The following BICC1 variants were observed in gnomAD, a reference collection of about 807,000 sequenced individuals.
BICC1 encodes the protein protein bicaudal C homolog 1.
In BICC1, 43 loss-of-function variants were observed where a neutral mutation model predicts 111.0. That is an observed-to-expected ratio of 0.39 (90% CI 0.30 to 0.50). BICC1 has a LOEUF of 0.50. Among genes scored for constraint, BICC1 ranks in the 20% least tolerant of loss-of-function variants. BICC1 has a pLI of 0.88. For missense variants in BICC1, 1,091 were observed against 1,203.2 expected (o/e 0.91, Z 1.38); for synonymous variants, 467 against 434.4 (o/e 1.07, Z -0.93).
chr10:58,760,639 A>G (rs1456697544), intron 3 of BICC1, among the ~76,000 whole-genome samples: 1 of 152,182 alleles, frequency 6.6e-6, no homozygotes, highest in East Asian at 1.9e-4. Flanking sequence ...TCATACAGAC[A>G]TAAATTGAAC....
At chr10:58,776,120 GT>G (rs1314817039) in intron 3 of BICC1, among the ~76,000 whole-genome samples, 1 of 152,142 alleles carries the variant, frequency 6.6e-6, no homozygotes, top group African/African-American at 2.4e-5. Context: ...CAAGAGACAG[GT>G]TTTCCGGTTT....
rs544684427 is a variant in BICC1 at position 58,633,512 on chromosome 10, C to T, written c.237+12611C>T. Among the ~76,000 whole-genome samples, 7 of 152,312 alleles carry T rather than the reference C, an allele frequency of 4.6e-5. No homozygotes were observed. In the East Asian group the frequency reaches 1.3e-3, roughly 29 times the overall value. On this transcript the variant is annotated intron_variant, in intron 2 of 20. Coordinates refer to ENST00000373886, the MANE Select transcript of BICC1 (RefSeq NM_001080512.3). ...CATTCCTAGCAAGATTAACTTTTAACTATGCTTTGAAACATGAGTTTTCAG... is the reference window on the plus strand; with the variant it reads ...CATTCCTAGCAAGATTAACTTTTAATTATGCTTTGAAACATGAGTTTTCAG...
chr10:58,707,944 A>G (rs1840440820), intron 3 of BICC1, among the ~76,000 whole-genome samples: 2 of 151,368 alleles, frequency 1.3e-5, no homozygotes, highest in Non-Finnish European at 2.9e-5. Context: ...TATTTCAGCC[A>G]CTTCGGCCTC....
intron 3 of BICC1, among the ~76,000 whole-genome samples, chr10:58,725,014 A>G (rs939125046): frequency 5.3e-4 from 81 of 151,578 alleles, no homozygotes; most frequent in African/African-American, 1.9e-3. Flanking sequence ...TGATATACCT[A>G]CCTCCCCATT....
chr10:58,633,371 A>G (rs1219615700), intron 2 of BICC1, among the ~76,000 whole-genome samples: 1 of 152,256 alleles, frequency 6.6e-6, no homozygotes, highest in Non-Finnish European at 1.5e-5. Flanking sequence ...ATTAAAAATG[A>G]TAGCCAGGGT....
Position 58,789,668 on chromosome 10 carries a change from C to G in BICC1, c.796-14C>G. On this transcript the variant is annotated splice_polypyrimidine_tract_variant and intron_variant, in intron 7 of 20. Coordinates refer to ENST00000373886, the MANE Select transcript of BICC1 (RefSeq NM_001080512.3). ...AATGTATAGGATTATTTCTTTCCCACCCTTTTCTCTTAGGAAGGAACTGCC... is the reference window on the plus strand; with the variant it reads ...AATGTATAGGATTATTTCTTTCCCAGCCTTTTCTCTTAGGAAGGAACTGCC... The G allele has an allele frequency of 6.2e-7, 1 of 1,613,786 alleles. No individual in the cohort carries two copies. The highest frequency in any genetic ancestry group is 8.5e-7 in the Non-Finnish European group (1 of 1,179,782).
At chr10:58,828,710 AT>A (rs1844468767) in intron 20 of BICC1, 50 bp from the exon 21 acceptor site, 1 of 1,586,428 alleles carries the variant, frequency 6.3e-7, no homozygotes, top group African/African-American at 1.3e-5. Flanking sequence ...GTCCTGTAGT[AT>A]ACATAGAACT....
intron 3 of BICC1, among the ~76,000 whole-genome samples, chr10:58,728,889 A>G (rs893979753): frequency 3.9e-5 from 6 of 152,146 alleles, no homozygotes; most frequent in African/African-American, 1.4e-4. Flanking sequence ...TATTAAAAAA[A>G]GGAATCTTTT....
chr10:58,732,422 T>C (rs1196209491), intron 3 of BICC1, among the ~76,000 whole-genome samples: 1 of 55,046 alleles, frequency 1.8e-5, no homozygotes, highest in Non-Finnish European at 3.6e-5. Flanking sequence ...TATATATATA[T>C]ATATATATAT....
chr10:58,828,925 T>A lies in BICC1; in HGVS notation c.*34T>A, dbSNP rs1164840906. Reference sequence around the variant, plus strand: ...TCTTGGCACATGCCCGCTGACTAACTGTAAAGTGGACACAGGAGATGTATG... The same window carrying A: ...TCTTGGCACATGCCCGCTGACTAACAGTAAAGTGGACACAGGAGATGTATG... On this transcript the variant is annotated 3_prime_UTR_variant, in exon 21 of 21. Transcript: ENST00000373886. The A allele has an allele frequency of 1.2e-6, 2 of 1,612,114 alleles. No homozygotes were observed. The highest frequency in any genetic ancestry group is 4.5e-5 in the East Asian group (2 of 44,814).
At chr10:58,803,305 T>C (rs932727679) in intron 15 of BICC1, 63 bp downstream of exon 15, 1 of 1,386,122 alleles carries the variant, frequency 7.2e-7, no homozygotes, top group Non-Finnish European at 9.6e-7. Flanking sequence ...GTATGGAGAA[T>C]TCAGTGAGTG....
In BICC1 at chr10:58,796,471, G is replaced by C. The variant is rs202194967; in HGVS notation, c.1311G>C (p.Leu437=). ...CCCCAGCATCCTGCCCTGCCGGCCTGGCATGTCCCAGCCTGGATATCTTAG... is the reference window on the plus strand; with the variant it reads ...CCCCAGCATCCTGCCCTGCCGGCCTCGCATGTCCCAGCCTGGATATCTTAG... ...SPSPASCPAG[L]ACPSLDILAS... Residue 437 remains leucine, a synonymous_variant, in exon 10 of 21, where the codon CTG becomes CTC. Transcript: ENST00000373886. 2.5e-6 allele frequency: 4 copies of C among 1,614,080 alleles called. No individual in the cohort carries two copies. The highest frequency in any genetic ancestry group is 1.1e-5 in the South Asian group (1 of 91,080).
intron 3 of BICC1, among the ~76,000 whole-genome samples, chr10:58,705,278 G>T (rs1840355948): frequency 6.6e-6 from 1 of 152,236 alleles, no homozygotes; most frequent in South Asian, 2.1e-4. Flanking sequence ...AAGACCATGT[G>T]TTCTGAAGGC....
intron 1 of BICC1, among the ~76,000 whole-genome samples, chr10:58,548,368 CTCCACT>C (rs1343787850): frequency 2.0e-5 from 3 of 152,204 alleles, no homozygotes; most frequent in African/African-American, 7.2e-5. Context: ...GTCTTACCTA[CTCCACT>C]TATTTGTAAG....
chr10:58,817,562 C>A lies in BICC1; in HGVS notation c.2534C>A (p.Thr845Lys), dbSNP rs148373453. ...GSPKRKQNKSTEHYLSSSNYM... is the reference protein window; with the variant it reads ...GSPKRKQNKSKEHYLSSSNYM... ...AGCCTGTCTCTCCTTTGCCTTTCAG[C>A]GGAACACTATCTCAGCAGTAGCAAT... Residue 845 changes from threonine to lysine, a missense_variant and splice_region_variant, in exon 19 of 21, where the codon ACG becomes AAG. Coordinates refer to ENST00000373886, the MANE Select transcript of BICC1 (RefSeq NM_001080512.3). The A allele has an allele frequency of 4.6e-5, 74 of 1,613,216 alleles. No individual in the cohort carries two copies. The highest frequency in any genetic ancestry group is 6.0e-5 in the Non-Finnish European group (71 of 1,179,490).
In BICC1 at chr10:58,796,443, C is replaced by T; in HGVS notation, c.1283C>T (p.Pro428Leu). 2 of 1,614,114 alleles carry T rather than the reference C, an allele frequency of 1.2e-6. No individual in the cohort carries two copies. Among genetic ancestry groups the T allele is most frequent in the Non-Finnish European group, 1.7e-6 (2 of 1,180,004 alleles). The change falls in exon 10 of 21, where the codon CCA (proline) becomes CTA (leucine). Residue 428 changes from proline (P) to leucine (L), a missense_variant. Pro to Leu is a moderately conservative substitution (Grantham distance 98). This residue lies in a region of BICC1 where 843 missense variants were observed against 900.8 expected (regional missense o/e 0.94). Transcript: ENST00000373886. ...ESSGVTIATS[P>L]SPASCPAGLA... ...AGTGGGGTTACCATAGCAACCAGTC[C>T]ATCCCCAGCATCCTGCCCTGCCGGC...
At chr10:58,821,232 C>T (rs1844242773) in intron 20 of BICC1, among the ~76,000 whole-genome samples, 1 of 152,040 alleles carries the variant, frequency 6.6e-6, no homozygotes, top group Non-Finnish European at 1.5e-5. Flanking sequence ...GAAGACTTGC[C>T]AATAAAGTTC....
At chr10:58,615,730 C>G (rs568921607) in intron 1 of BICC1, among the ~76,000 whole-genome samples, 1 of 152,142 alleles carries the variant, frequency 6.6e-6, no homozygotes, top group Non-Finnish European at 1.5e-5. Context: ...AGAGAGCCTT[C>G]GGTCCCCACT....
Position 58,792,695 on chromosome 10 carries a change from G to A in BICC1, c.1048-789G>A, listed in dbSNP as rs149250586. Among the ~76,000 whole-genome samples the A allele has an allele frequency of 2.7e-3, 405 of 152,254 alleles. 4 individuals carry two copies. Among genetic ancestry groups the A allele is most frequent in the African/African-American group, 9.2e-3 (383 of 41,554 alleles). Reference sequence around the variant, plus strand: ...TCTCCCATCACCTCCAGATGGGACCGTCTAGTTGCAGGAAAACAAGCTCAG... The same window carrying A: ...TCTCCCATCACCTCCAGATGGGACCATCTAGTTGCAGGAAAACAAGCTCAG... On this transcript the variant is annotated intron_variant, in intron 8 of 20. Transcript: ENST00000373886.
Sources: gnomAD v4.1 joint callset for allele counts (sites outside exome capture counted in the v4.1 genomes callset) on GRCh38, gnomAD v4.1.1 for gene constraint, gnomAD v4.1.1 regional missense constraint, MANE v1.5 for transcripts, NCBI Gene and HGNC (gene_info 2026-07-23, HGNC 2026-07-21) for gene names.